The following DNAJC11 variants were observed in gnomAD, a reference collection of about 807,000 sequenced individuals.
The protein encoded by DNAJC11 is DnaJ heat shock protein family (Hsp40) member C11, also known as dnaJ homolog subfamily C member 11.
In DNAJC11, 15 loss-of-function variants were observed where a neutral mutation model predicts 78.6. That is an observed-to-expected ratio of 0.19 (90% CI 0.13 to 0.29). The LOEUF (loss-of-function observed/expected upper bound fraction) is 0.29. DNAJC11 is among the 10% of genes least tolerant of loss of function. The pLI, the probability that DNAJC11 is intolerant of heterozygous loss-of-function variation, is 1.00. For synonymous variants in DNAJC11, 292 were observed against 272.1 expected (o/e 1.07, Z -0.72); for missense variants, 547 against 709.6 (o/e 0.77, Z 2.60).
chr1:6,642,429 T>C (rs1641892128), intron 10 of DNAJC11, among the ~76,000 whole-genome samples: 1 of 152,066 alleles, frequency 6.6e-6, no homozygotes, highest in South Asian at 2.1e-4. Context: ...TTGGAGTACA[T>C]GTTCAGGAGA....
chr1:6,661,476 G>C (rs1424938415), intron 4 of DNAJC11, among the ~76,000 whole-genome samples: 3 of 152,140 alleles, frequency 2.0e-5, no homozygotes, highest in African/African-American at 7.2e-5. Context: ...ACAAACAGCT[G>C]TTTTACCTTT....
chr1:6,687,122 A>G (rs2147882545), intron 1 of DNAJC11, among the ~76,000 whole-genome samples: 1 of 152,348 alleles, frequency 6.6e-6, no homozygotes, highest in Admixed American at 6.5e-5. Context: ...AATTAACACC[A>G]AGACAGCATG....
intron 1 of DNAJC11, among the ~76,000 whole-genome samples, chr1:6,681,714 C>G (rs1205022634): frequency 6.6e-6 from 1 of 151,992 alleles, no homozygotes; most frequent in Admixed American, 6.6e-5. Context: ...GTGGGGGGGG[C>G]GGGTGCCAAT....
intron 1 of DNAJC11, among the ~76,000 whole-genome samples, chr1:6,688,407 T>A (rs1642690923): frequency 6.6e-6 from 1 of 152,204 alleles, no homozygotes; most frequent in Non-Finnish European, 1.5e-5. Flanking sequence ...GAGTATGTCA[T>A]TAGCAAATAC....
chr1:6,659,339 T>C (rs1195297854), intron 4 of DNAJC11, among the ~76,000 whole-genome samples: 1 of 152,212 alleles, frequency 6.6e-6, no homozygotes, highest in Non-Finnish European at 1.5e-5. Flanking sequence ...CCTCTCCATT[T>C]TGGCCTCTGC....
intron 12 of DNAJC11, 104 bp downstream of exon 12, chr1:6,638,188 AGTT>A: frequency 9.0e-7 from 1 of 1,115,476 alleles, no homozygotes; most frequent in Non-Finnish European, 1.3e-6. Flanking sequence ...TGGAGAGCCA[AGTT>A]GTTGGAGAAG....
At chr1:6,650,303 T>C (rs1254540204) in intron 7 of DNAJC11, among the ~76,000 whole-genome samples, 1 of 150,322 alleles carries the variant, frequency 6.7e-6, no homozygotes, top group East Asian at 2.0e-4. Context: ...AAGTGGCTCA[T>C]GCTTCTAATC....
Position 6,680,046 on chromosome 1 carries a change from A to G in DNAJC11, c.202+862T>C, listed in dbSNP as rs1642529039. On this transcript the variant is annotated intron_variant, in intron 2 of 15. Transcript: ENST00000377577. This position sits in a 1 kb window ranked among gnomAD's most constrained non-coding sequence, Gnocchi z 4.0. ...TATAAAGTGAAAAACACTACAAGCT[A>G]TTATGTATACAGTGAGATGACTTTA... 6.6e-6 allele frequency among the ~76,000 whole-genome samples: 1 copy of G among 152,242 alleles called. No individual in the cohort carries two copies. Among genetic ancestry groups the G allele is most frequent in the Non-Finnish European group, 1.5e-5 (1 of 68,046 alleles).
intron 3 of DNAJC11, among the ~76,000 whole-genome samples, chr1:6,672,639 A>T (rs1330621124): frequency 6.6e-6 from 1 of 152,214 alleles, no homozygotes; most frequent in Non-Finnish European, 1.5e-5. Flanking sequence ...AGGGCAGGGC[A>T]CTTCATTCTC....
chr1:6,647,983 C>A (rs1641991580), intron 7 of DNAJC11, among the ~76,000 whole-genome samples: 1 of 152,176 alleles, frequency 6.6e-6, no homozygotes, highest in South Asian at 2.1e-4. Context: ...GATCAGTCCA[C>A]CCCAAACTCT....
chr1:6,647,975 T>C (rs2148731394), intron 7 of DNAJC11, among the ~76,000 whole-genome samples: 1 of 152,286 alleles, frequency 6.6e-6, no homozygotes, highest in South Asian at 2.1e-4. Flanking sequence ...ATGCTGATGA[T>C]CAGTCCACCC....
Position 6,673,359 on chromosome 1 carries a change from G to A in DNAJC11, c.276+5035C>T, listed in dbSNP as rs572818251. Among the ~76,000 whole-genome samples, 9 of 151,856 alleles carry A rather than the reference G, an allele frequency of 5.9e-5. No homozygotes were observed. In the East Asian group the frequency reaches 1.7e-3, roughly 29 times the overall value. ...GAATGAGGAGATATCCAAAAGCTAGGTGGCATAATGGAAGGAGGACAGACA... is the reference window on the plus strand; with the variant it reads ...GAATGAGGAGATATCCAAAAGCTAGATGGCATAATGGAAGGAGGACAGACA... On this transcript the variant is annotated intron_variant, in intron 3 of 15. Coordinates refer to ENST00000377577, the MANE Select transcript of DNAJC11 (RefSeq NM_018198.4).
intron 14 of DNAJC11, 66 bp from the exon 15 acceptor site, chr1:6,636,312 C>A: frequency 6.3e-7 from 1 of 1,589,548 alleles, no homozygotes; most frequent in Non-Finnish European, 8.6e-7. Context: ...CTCCTCACTA[C>A]CACCGGAGGG....
intron 3 of DNAJC11, among the ~76,000 whole-genome samples, chr1:6,677,158 CAA>C (rs1181692411): frequency 8.1e-5 from 4 of 49,468 alleles, no homozygotes; most frequent in Non-Finnish European, 4.1e-5. Flanking sequence ...AACTTGGTCT[CAA>C]AAAAAAAAAA....
rs921618525 is a variant in DNAJC11, at chr1:6,645,649, G to A, written c.894+140C>T. The A allele has an allele frequency of 3.1e-6, 3 of 968,206 alleles. No homozygotes were observed. The highest frequency in any genetic ancestry group is 4.6e-6 in the Non-Finnish European group (3 of 652,706). The allele number at this position is 968,206 out of a possible 1,614,324, so 60.0% of individuals were successfully genotyped here. On this transcript the variant is annotated intron_variant, in intron 8 of 15. Transcript: ENST00000377577. This position sits in a 1 kb window ranked among gnomAD's most constrained non-coding sequence, Gnocchi z 4.1. ...ACCAGGTCACTCGAGTGTGAGCACC[G>A]AGAGCCTGCCCCTCAGGGCCCTGTA...
intron 3 of DNAJC11, among the ~76,000 whole-genome samples, chr1:6,676,078 A>G (rs1206797832): frequency 6.6e-6 from 1 of 152,226 alleles, no homozygotes; most frequent in Non-Finnish European, 1.5e-5. Context: ...ATTTGGCTTA[A>G]TACCTAGCTG....
At chr1:6,685,928 G>A (rs1435523200) in intron 1 of DNAJC11, among the ~76,000 whole-genome samples, 1 of 152,186 alleles carries the variant, frequency 6.6e-6, no homozygotes, top group Non-Finnish European at 1.5e-5. Context: ...AAATACAAGA[G>A]TTTTGAGATT....
At chr1:6,667,958 G>A (rs1401517015) in intron 3 of DNAJC11, 148 bp from the exon 4 acceptor site, 1 of 721,572 alleles carries the variant, frequency 1.4e-6, no homozygotes, top group East Asian at 2.7e-5. Context: ...CAAACCATGA[G>A]TTCCACCATC....
intron 1 of DNAJC11, among the ~76,000 whole-genome samples, chr1:6,698,428 T>G (rs1642873332): frequency 6.6e-6 from 1 of 152,106 alleles, no homozygotes; most frequent in South Asian, 2.1e-4. Flanking sequence ...AATATCAAGT[T>G]CAGACATCAC....
Sources: gnomAD v4.1 joint callset for allele counts (sites outside exome capture counted in the v4.1 genomes callset) on GRCh38, gnomAD v4.1.1 for gene constraint, Gnocchi (gnomAD v3.1) non-coding constraint, MANE v1.5 for transcripts, NCBI Gene and HGNC (gene_info 2026-07-23, HGNC 2026-07-21) for gene names.